The following ESRRG variants were observed in gnomAD, a reference collection of about 807,000 sequenced individuals.
The protein encoded by ESRRG is estrogen-related receptor gamma.
ESRRG carries 13 observed loss-of-function variants against 44.0 expected under a neutral mutation model. That is an observed-to-expected ratio of 0.30 (90% CI 0.19 to 0.47). ESRRG has a LOEUF of 0.47. Ranked by LOEUF, ESRRG falls within the 20% of genes least tolerant of loss-of-function variation. The pLI, the probability that ESRRG is intolerant of heterozygous loss-of-function variation, is 1.00. For missense variants in ESRRG, 395 were observed against 580.6 expected (o/e 0.68, Z 3.29); for synonymous variants, 215 against 214.6 (o/e 1.00, Z -0.02).
intron 1 of ESRRG, among the ~76,000 whole-genome samples, chr1:216,685,405 T>C (rs2077748556): frequency 6.6e-6 from 1 of 152,194 alleles, no homozygotes; most frequent in Admixed American, 6.5e-5. Context: ...CTTCTACAAA[T>C]CTCTGGTCTT....
At chr1:217,109,062 C>T (rs2092631998) in intron 1 of ESRRG, among the ~76,000 whole-genome samples, 1 of 152,084 alleles carries the variant, frequency 6.6e-6, no homozygotes, top group Non-Finnish European at 1.5e-5. Flanking sequence ...ATAGCCCATC[C>T]ACAAAAATGT....
intron 2 of ESRRG, among the ~76,000 whole-genome samples, chr1:216,777,392 C>G (rs867977073): frequency 1.4e-4 from 21 of 152,210 alleles, no homozygotes; most frequent in Admixed American, 1.0e-3. Flanking sequence ...TCAACAAGAG[C>G]TAATGAAGAG....
chr1:216,892,107 T>C (rs1259237310), intron 2 of ESRRG, among the ~76,000 whole-genome samples: 2 of 152,168 alleles, frequency 1.3e-5, no homozygotes, highest in Non-Finnish European at 2.9e-5. Context: ...GCCTGGCTGG[T>C]GCTCACTTTT....
At chr1:216,892,151 A>C (rs1309220820) in intron 2 of ESRRG, among the ~76,000 whole-genome samples, 1 of 152,108 alleles carries the variant, frequency 6.6e-6, no homozygotes, top group African/African-American at 2.4e-5. Context: ...AGGTATTTAA[A>C]TTTGAAGTTA....
At chr1:216,654,023 C>T (rs1039074567) in intron 2 of ESRRG, among the ~76,000 whole-genome samples, 1 of 150,802 alleles carries the variant, frequency 6.6e-6, no homozygotes. Context: ...CTTGGAAGGT[C>T]GAGGTGGGAG....
chr1:217,033,295 C>G (rs897675527), intron 1 of ESRRG, among the ~76,000 whole-genome samples: 1 of 152,210 alleles, frequency 6.6e-6, no homozygotes, highest in Non-Finnish European at 1.5e-5. Context: ...GCTAAACTCA[C>G]AAATCTCAGA....
chr1:216,605,347 AG>A (rs1364185505), intron 3 of ESRRG, among the ~76,000 whole-genome samples: 8 of 152,168 alleles, frequency 5.3e-5, no homozygotes, highest in Non-Finnish European at 8.8e-5. Context: ...AGACATATGG[AG>A]CAGTTTGCAA....
intron 2 of ESRRG, among the ~76,000 whole-genome samples, chr1:216,842,962 A>G (rs2095676055): frequency 6.6e-6 from 1 of 152,168 alleles, no homozygotes; most frequent in African/African-American, 2.4e-5. Context: ...GATATATATC[A>G]TCAAAATATT....
intron 1 of ESRRG, among the ~76,000 whole-genome samples, chr1:217,121,280 G>A (rs2092815867): frequency 6.6e-6 from 1 of 152,214 alleles, no homozygotes; most frequent in African/African-American, 2.4e-5. Context: ...TGTCAGAAAT[G>A]AGGCTGGAGA....
intron 2 of ESRRG, among the ~76,000 whole-genome samples, chr1:216,867,790 CTT>C (rs1376493543): frequency 6.6e-6 from 1 of 152,110 alleles, no homozygotes. Flanking sequence ...ATAATCAACA[CTT>C]ATTTTGGTGT....
chr1:216,920,048 G>T (rs1329622517), intron 2 of ESRRG, among the ~76,000 whole-genome samples: 2 of 152,196 alleles, frequency 1.3e-5, no homozygotes, highest in Non-Finnish European at 2.9e-5. Flanking sequence ...GAACTTGCCT[G>T]CAGCAAGATG....
intron 2 of ESRRG, among the ~76,000 whole-genome samples, chr1:216,939,303 C>T (rs1365849693): frequency 8.6e-6 from 1 of 116,178 alleles, no homozygotes; most frequent in African/African-American, 3.3e-5. Flanking sequence ...ACAACACATA[C>T]TTGGTAAAGT....
chr1:216,757,439 G>A (rs1171344652), intron 2 of ESRRG, among the ~76,000 whole-genome samples: 1 of 151,998 alleles, frequency 6.6e-6, no homozygotes, highest in African/African-American at 2.4e-5. Flanking sequence ...ATTTCTTTGT[G>A]TATAAAACAA....
chr1:216,716,655 A>C (rs2084939408), intron 1 of ESRRG, among the ~76,000 whole-genome samples: 1 of 151,918 alleles, frequency 6.6e-6, no homozygotes, highest in African/African-American at 2.4e-5. Context: ...TATATGACAA[A>C]GACTGTTTTT....
At chr1:216,738,461 A>G (rs1199098488) in intron 2 of ESRRG, among the ~76,000 whole-genome samples, 1 of 152,250 alleles carries the variant, frequency 6.6e-6, no homozygotes, top group Non-Finnish European at 1.5e-5. Flanking sequence ...ACTATGCTTC[A>G]GAGTAAAAAC....
At chr1:216,854,353 C>CAAAAAAAAAAAAAAA (rs57421256) in intron 2 of ESRRG, among the ~76,000 whole-genome samples, 9 of 67,100 alleles carry the variant, frequency 1.3e-4, no homozygotes, top group East Asian at 5.6e-4. Flanking sequence ...AAGACACCAT[C>CAAAAAAAAAAAAAAA]AAAAAAAAAA....
At position 216,580,757 on chromosome 1, in the gene ESRRG, A is replaced by G. The variant is rs188723330; in HGVS notation, c.590-12659T>C. Among the ~76,000 whole-genome samples the G allele has an allele frequency of 3.9e-4, 59 of 152,302 alleles. No homozygotes were observed. The East Asian group carries it at 4.4e-3, about 11-fold the overall frequency. On this transcript the variant is annotated intron_variant, in intron 3 of 6. Coordinates refer to ENST00000408911, the MANE Select transcript of ESRRG (RefSeq NM_001438.4). ...AATTGACCCACAGATTCAGAGTCCAACAACTGCCCTGGCAGTTGGAAACAT... is the reference window on the plus strand; with the variant it reads ...AATTGACCCACAGATTCAGAGTCCAGCAACTGCCCTGGCAGTTGGAAACAT...
chr1:216,625,184 AG>A (rs1558882448), intron 3 of ESRRG, among the ~76,000 whole-genome samples: 1 of 152,130 alleles, frequency 6.6e-6, no homozygotes, highest in Non-Finnish European at 1.5e-5. Context: ...CTATTTCTAC[AG>A]GATTAGTATT....
chr1:216,809,543 A>G (rs2094904956), intron 2 of ESRRG, among the ~76,000 whole-genome samples: 1 of 152,348 alleles, frequency 6.6e-6, no homozygotes, highest in Non-Finnish European at 1.5e-5. Flanking sequence ...CTGAAATTTA[A>G]GAACATTTTA....
Sources: gnomAD v4.1 joint callset for allele counts (sites outside exome capture counted in the v4.1 genomes callset) on GRCh38, gnomAD v4.1.1 for gene constraint, MANE v1.5 for transcripts, NCBI Gene and HGNC (gene_info 2026-07-23, HGNC 2026-07-21) for gene names.